KIF24: variants seen among roughly 807,000 people sequenced by gnomAD.
KIF24 encodes the protein kinesin family member 24.
Under a neutral mutation model 118.9 loss-of-function variants are expected in KIF24, and 81 were observed. The observed-to-expected ratio is 0.68, with a 90% CI of 0.57 to 0.82. The LOEUF (loss-of-function observed/expected upper bound fraction) is 0.82. Among genes scored for constraint, KIF24 ranks in the 40% least tolerant of loss-of-function variants. The probability of loss-of-function intolerance (pLI) is 0.00; values close to 1 mark genes in which losing one functional copy is unlikely to be tolerated. For synonymous variants in KIF24, 599 were observed against 610.0 expected (o/e 0.98, Z 0.27); for missense variants, 1,560 against 1,661.6 (o/e 0.94, Z 1.06).
chr9:34,307,486 A>T (rs1170986166), intron 2 of KIF24, among the ~76,000 whole-genome samples: 6 of 152,076 alleles, frequency 3.9e-5, no homozygotes, highest in African/African-American at 1.4e-4. Flanking sequence ...AGCAAATTTT[A>T]TTTTCTTAAC....
intron 3 of KIF24, among the ~76,000 whole-genome samples, chr9:34,299,833 T>C (rs888464426): frequency 4.4e-4 from 66 of 151,550 alleles, no homozygotes; most frequent in African/African-American, 1.6e-3. Flanking sequence ...CGTGTGTGTG[T>C]GTGTGTGTGT....
chr9:34,318,472 A>G lies in KIF24; in HGVS notation c.-25-7101T>C. Reference sequence around the variant, plus strand: ...TGGCCTTGGCGACCGAGGTGAAGAAACCTGCAGCCACAGCAGCTCCTGGCA... The same window carrying G: ...TGGCCTTGGCGACCGAGGTGAAGAAGCCTGCAGCCACAGCAGCTCCTGGCA... On this transcript the variant is annotated intron_variant, in intron 1 of 12. Coordinates refer to ENST00000402558, the MANE Select transcript of KIF24 (RefSeq NM_194313.4). The surrounding 1 kb of genome is among the most constrained non-coding windows in gnomAD (Gnocchi z 4.9). 1 of 782,622 alleles carries G rather than the reference A, an allele frequency of 1.3e-6. No homozygotes were observed. Among genetic ancestry groups the G allele is most frequent in the South Asian group, 1.4e-5 (1 of 69,346 alleles). 48.5% of individuals were successfully genotyped at this position (782,622 alleles called of 1,614,324 possible).
intron 5 of KIF24, 86 bp downstream of exon 5, chr9:34,290,088 T>A (rs1358609910): frequency 1.1e-6 from 1 of 920,998 alleles, no homozygotes; most frequent in Non-Finnish European, 1.7e-6. Context: ...AAGCATCTCA[T>A]TAAAGCCTAT....
intron 1 of KIF24, among the ~76,000 whole-genome samples, chr9:34,314,171 T>C (rs766742441): frequency 2.0e-5 from 3 of 151,888 alleles, no homozygotes; most frequent in Non-Finnish European, 2.9e-5. Flanking sequence ...TTGTTGTTTA[T>C]TGTTTGTTTT....
intron 6 of KIF24, among the ~76,000 whole-genome samples, chr9:34,275,536 A>G (rs1175687069): frequency 2.0e-5 from 3 of 152,012 alleles, no homozygotes; most frequent in Non-Finnish European, 4.4e-5. Flanking sequence ...CCTCATCTCT[A>G]CAAATTAAAA....
At chr9:34,300,048 G>A (rs1836639651) in intron 3 of KIF24, among the ~76,000 whole-genome samples, 1 of 152,060 alleles carries the variant, frequency 6.6e-6, no homozygotes, top group African/African-American at 2.4e-5. Flanking sequence ...TTTACTGTGG[G>A]TCACTCTACC....
intron 1 of KIF24, among the ~76,000 whole-genome samples, chr9:34,324,391 T>G (rs77435154): frequency 6.6e-6 from 1 of 152,210 alleles, no homozygotes; most frequent in African/African-American, 2.4e-5. Context: ...AGAGGCCTTC[T>G]TCTCCCTTAA....
In KIF24 at chr9:34,256,100, A is replaced by T; in HGVS notation, c.3507T>A (p.Ser1169Arg). The T allele has an allele frequency of 1.9e-6, 3 of 1,612,552 alleles. No homozygotes were observed. Among genetic ancestry groups the T allele is most frequent in the Non-Finnish European group, 2.5e-6 (3 of 1,178,712 alleles). The part of the protein sequence containing the change: ...TVLFSHEHMG[S>R]EQYDADAEET... ...CCTCTGCATCAGCATCATACTGCTC[A>T]CTACCCATGTGTTCGTGGGAGAAAA... Residue 1169 changes from serine to arginine, a missense_variant, in exon 11 of 13, where the codon AGT becomes AGA. Ser to Arg is a moderately radical substitution (Grantham distance 110). Coordinates refer to ENST00000402558, the MANE Select transcript of KIF24 (RefSeq NM_194313.4).
In KIF24 at chr9:34,303,106, G is replaced by C. The variant is rs75485855; in HGVS notation, c.813+3146C>G. The stretch of plus-strand genomic sequence containing the variant: ...TTTTTTTTAATTTTTACAGAGACAG[G>C]CTTTCACCATGTTACCCAGGCTGGT... On this transcript the variant is annotated intron_variant, in intron 3 of 12. Transcript: ENST00000402558. 4.2e-3 allele frequency among the ~76,000 whole-genome samples: 637 copies of C among 151,592 alleles called. 5 individuals carry two copies. Among genetic ancestry groups the C allele is most frequent in the African/African-American group, 0.015 (601 of 41,300 alleles).
chr9:34,326,299 C>CCATG (rs1837670283), intron 1 of KIF24, among the ~76,000 whole-genome samples: 1 of 152,126 alleles, frequency 6.6e-6, no homozygotes, highest in Non-Finnish European at 1.5e-5. Flanking sequence ...CTACAGTGAG[C>CCATG]CATGATCACA....
At chr9:34,277,340 T>C (rs765393193) in intron 6 of KIF24, among the ~76,000 whole-genome samples, 9 of 152,116 alleles carry the variant, frequency 5.9e-5, no homozygotes, top group Non-Finnish European at 1.2e-4. Flanking sequence ...CAAGGTCACA[T>C]AGGTAGAATA....
chr9:34,316,346 A>C (rs1837328999), intron 1 of KIF24, among the ~76,000 whole-genome samples: 1 of 152,136 alleles, frequency 6.6e-6, no homozygotes, highest in Non-Finnish European at 1.5e-5. Flanking sequence ...TTAAAAAAAA[A>C]AAAAAGTTCC....
upstream of KIF24, among the ~76,000 whole-genome samples, chr9:34,333,479 T>A (rs1467504915): frequency 9.2e-5 from 14 of 151,818 alleles, no homozygotes; most frequent in Non-Finnish European, 2.9e-5. Flanking sequence ...AAGTGTTTTT[T>A]AAATTTAGCC....
intron 3 of KIF24, among the ~76,000 whole-genome samples, chr9:34,303,911 C>G (rs1836817987): frequency 6.6e-6 from 1 of 152,172 alleles, no homozygotes; most frequent in South Asian, 2.1e-4. Context: ...CAATCTTACT[C>G]ACTTTGTAAT....
At position 34,318,781 on chromosome 9, in the gene KIF24, G is replaced by A. The variant is rs1374546071; in HGVS notation, c.-25-7410C>T. ...TCAGCAACTCCACCGCGCGCAACGT[G>A]ACCTGGAAGCTGTGCAGTCGCCTGT... On this transcript the variant is annotated intron_variant, in intron 1 of 12. Transcript: ENST00000402558. The surrounding 1 kb of genome is among the most constrained non-coding windows in gnomAD (Gnocchi z 4.9). 68 of 1,539,238 alleles carry A rather than the reference G, an allele frequency of 4.4e-5. No homozygotes were observed. The highest frequency in any genetic ancestry group is 5.9e-5 in the Non-Finnish European group (66 of 1,116,772).
At chr9:34,307,271 C>A (rs1836961057) in intron 2 of KIF24, among the ~76,000 whole-genome samples, 1 of 152,002 alleles carries the variant, frequency 6.6e-6, no homozygotes, top group South Asian at 2.1e-4. Flanking sequence ...CACTATCTTG[C>A]CCAGGCTGGT....
chr9:34,316,040 A>C (rs530467142), intron 1 of KIF24, among the ~76,000 whole-genome samples: 1 of 149,688 alleles, frequency 6.7e-6, no homozygotes, highest in South Asian at 2.1e-4. Flanking sequence ...CCCCCAAAAA[A>C]AAAAATTTTT....
chr9:34,277,625 A>C (rs1301216692), intron 6 of KIF24, among the ~76,000 whole-genome samples: 2 of 152,186 alleles, frequency 1.3e-5, no homozygotes, highest in African/African-American at 2.4e-5. Flanking sequence ...GGTATCTCTA[A>C]GTGCATCTCA....
At position 34,253,765 on chromosome 9, in the gene KIF24, A is replaced by C. The variant is rs1335751330; in HGVS notation, c.*615T>G. The C allele has an allele frequency of 1.3e-5, 2 of 152,218 alleles. No individual in the cohort carries two copies. The highest frequency in any genetic ancestry group is 4.8e-5 in the African/African-American group (2 of 41,460). 9.4% of individuals were successfully genotyped at this position (152,218 alleles called of 1,614,324 possible). On this transcript the variant is annotated 3_prime_UTR_variant, in exon 13 of 13. Transcript: ENST00000402558. ...GCTGTAAATATAAGGCCTGTCTCACATCTGCTGCTGTCAGTGACACATCAA... is the reference window on the plus strand; with the variant it reads ...GCTGTAAATATAAGGCCTGTCTCACCTCTGCTGCTGTCAGTGACACATCAA...
Sources: allele counts gnomAD v4.1 joint callset (sites outside exome capture counted in the v4.1 genomes callset), GRCh38; gene constraint gnomAD v4.1.1; non-coding constraint Gnocchi (gnomAD v3.1); transcripts MANE v1.5; gene names NCBI Gene and HGNC (gene_info 2026-07-23, HGNC 2026-07-21).